PCNX4: variants seen among roughly 807,000 people sequenced by gnomAD.
The protein encoded by PCNX4 is pecanex 4, also known as pecanex-like protein 4.
A neutral mutation model predicts 107.2 loss-of-function variants in PCNX4; 103 were observed. The observed-to-expected ratio is 0.96, with a 90% confidence interval of 0.82 to 1.13. The LOEUF (loss-of-function observed/expected upper bound fraction) is 1.13, where lower values mean the gene tolerates loss of function less well. Among genes scored for constraint, PCNX4 ranks in the 50% most tolerant of loss-of-function variants. PCNX4 has a pLI of 0.00. For synonymous variants in PCNX4, 541 were observed against 481.7 expected, an observed-to-expected ratio of 1.12 and a Z score of -1.61; for missense variants, 1,528 against 1,379.4, an observed-to-expected ratio of 1.11 and a Z score of -1.71.
rs190039157 is a variant in PCNX4, at chr14:60,134,987, C to A, written c.*766C>A. On this transcript the variant is annotated 3_prime_UTR_variant, in exon 11 of 11. Transcript: ENST00000406854. The stretch of plus-strand genomic sequence containing the variant: ...CTGAAAAATGATTTACCCAACAGGA[C>A]TACCAGTTACTAGTGTCTTAAGGTA... 1 of 152,302 alleles carries A rather than the reference C, an allele frequency of 6.6e-6. No homozygotes were observed. Among genetic ancestry groups the A allele is most frequent in the East Asian group, 1.9e-4 (1 of 5,190 alleles). The allele number at this position is 152,302 out of a possible 1,614,324, so 9.4% of individuals were successfully genotyped here.
chr14:60,109,464 G>A (rs754395420), intron 2 of PCNX4: 2 of 166,968 alleles, frequency 1.2e-5, no homozygotes, highest in African/African-American at 4.8e-5. Context: ...GTTTGAGATG[G>A]AGTCTTCACT....
rs943721299 is a variant in PCNX4 at position 60,091,923 on chromosome 14, G to A, written c.-550G>A. On this transcript the variant is annotated 5_prime_UTR_variant, in exon 1 of 11. Transcript: ENST00000406854. The stretch of plus-strand genomic sequence containing the variant: ...ACGTCACCAGGGCAACGACGCTCTT[G>A]CGTAAAGGCCCGGCCCAAGGGAACG... 1.3e-5 allele frequency: 2 copies of A among 152,332 alleles called. No individual in the cohort carries two copies. The highest frequency in any genetic ancestry group is 4.8e-5 in the African/African-American group (2 of 41,472). The allele number at this position is 152,332 out of a possible 1,614,324, so 9.4% of individuals were successfully genotyped here.
intron 7 of PCNX4, among the ~76,000 whole-genome samples, chr14:60,119,628 T>C (rs915128011): frequency 2.6e-5 from 4 of 152,208 alleles, no homozygotes; most frequent in Non-Finnish European, 1.5e-5. Context: ...AATACTTTTA[T>C]CCAGTGTTAA....
At position 60,107,654 on chromosome 14, in the gene PCNX4, C is replaced by G. The variant is rs1457785015; in HGVS notation, c.16C>G (p.Pro6Ala). Residue 6 changes from proline (P) to alanine (A), a missense_variant, in exon 2 of 11, where the codon CCT (proline) becomes GCT (alanine). Transcript: ENST00000406854. ...CCGAGTGAGGATGAGTCCAGATGTG[C>G]CTCTACTGAATGATTACAAGCAGGA... The part of the protein sequence containing the change: MSPDV[P>A]LLNDYKQDFF... The G allele has an allele frequency of 6.2e-7, 1 of 1,612,168 alleles. No individual in the cohort carries two copies. Among genetic ancestry groups the G allele is most frequent in the Non-Finnish European group, 8.5e-7 (1 of 1,179,528 alleles).
At chr14:60,100,553 C>T (rs1250097709) in intron 1 of PCNX4, among the ~76,000 whole-genome samples, 1 of 152,212 alleles carries the variant, frequency 6.6e-6, no homozygotes, top group Non-Finnish European at 1.5e-5. Flanking sequence ...CCCACCTCAG[C>T]CTCTCAAAGT....
rs770000283 is a variant in PCNX4 at position 60,108,008 on chromosome 14, G to A, written c.370G>A (p.Ala124Thr). 6.2e-7 allele frequency: 1 copy of A among 1,612,742 alleles called. No homozygotes were observed. Among genetic ancestry groups the A allele is most frequent in the East Asian group, 2.2e-5 (1 of 44,876 alleles). Residue 124 changes from alanine to threonine, a missense_variant, in exon 2 of 11, where the codon GCT becomes ACT. Coordinates refer to ENST00000406854, the MANE Select transcript of PCNX4 (RefSeq NM_001330177.2). ...DEHEFTSCTG[A>T]ETVKFLIPGK... ...GCATGAATTTACCAGTTGTACTGGT[G>A]CTGAGACTGTCAAATTTCTCATTCC...
At position 60,139,750 on chromosome 14, in the gene PCNX4, CAA is replaced by C. The variant is rs1896285822; in HGVS notation, c.*5530_*5531del. ...GGCCATGTATCATTCACTTAGAAAT[CAA>C]TAATAATTTCAAAAATAGAAAAATT... On this transcript the variant is annotated 3_prime_UTR_variant, in exon 11 of 11. Coordinates refer to ENST00000406854, the MANE Select transcript of PCNX4 (RefSeq NM_001330177.2). 6.6e-6 allele frequency: 1 copy of C among 151,708 alleles called. No individual in the cohort carries two copies. The highest frequency in any genetic ancestry group is 1.5e-5 in the Non-Finnish European group (1 of 67,894). 9.4% of individuals were successfully genotyped at this position (151,708 alleles called of 1,614,324 possible).
chr14:60,131,798 AC>A (rs1177322119), intron 10 of PCNX4, among the ~76,000 whole-genome samples: 1 of 152,238 alleles, frequency 6.6e-6, no homozygotes, highest in Non-Finnish European at 1.5e-5. Flanking sequence ...TTCAAAACTT[AC>A]GTGAAACAAT....
At chr14:60,095,464 T>G (rs1342773248) in intron 1 of PCNX4, among the ~76,000 whole-genome samples, 1 of 151,728 alleles carries the variant, frequency 6.6e-6, no homozygotes, top group African/African-American at 2.4e-5. Context: ...ATAGGGGAGG[T>G]GTGTAGCTTT....
At chr14:60,131,743 A>G (rs917129404) in intron 10 of PCNX4, among the ~76,000 whole-genome samples, 2 of 152,252 alleles carry the variant, frequency 1.3e-5, no homozygotes, top group African/African-American at 4.8e-5. Context: ...CTGAATAGCC[A>G]GAACAATCTT....
chr14:60,145,502 C>T lies in PCNX4; in HGVS notation c.*11281C>T, dbSNP rs1896375953. ...GTTAGAGACCAGCCTGGCAAAACCC[C>T]ATCTCTACTAAAAATACAAAAATTA... On this transcript the variant is annotated 3_prime_UTR_variant, in exon 11 of 11. Coordinates refer to ENST00000406854, the MANE Select transcript of PCNX4 (RefSeq NM_001330177.2). The surrounding 1 kb of genome is among the most constrained non-coding windows in gnomAD (Gnocchi z 4.0). 1 of 152,178 alleles carries T rather than the reference C, an allele frequency of 6.6e-6. No individual in the cohort carries two copies. Among genetic ancestry groups the T allele is most frequent in the Non-Finnish European group, 1.5e-5 (1 of 68,158 alleles). The allele number at this position is 152,178 out of a possible 1,614,324, so 9.4% of individuals were successfully genotyped here. A position where few individuals can be genotyped will look rare whatever the true frequency, so the allele number is the denominator to read the frequency against.
intron 1 of PCNX4, among the ~76,000 whole-genome samples, chr14:60,105,238 A>G (rs796706676): frequency 5.1e-4 from 77 of 152,292 alleles, no homozygotes; most frequent in African/African-American, 1.7e-3. Context: ...GCTAGACCAA[A>G]CTGCTCTGCA....
intron 8 of PCNX4, among the ~76,000 whole-genome samples, chr14:60,122,824 G>T (rs568634008): frequency 6.6e-6 from 1 of 152,172 alleles, no homozygotes; most frequent in South Asian, 2.1e-4. Flanking sequence ...ATAATGAATA[G>T]TAAGTGAATT....
intron 8 of PCNX4, 92 bp downstream of exon 8, chr14:60,121,391 A>G (rs1459059538): frequency 1.5e-6 from 2 of 1,330,070 alleles, no homozygotes; most frequent in Admixed American, 2.3e-5. Context: ...AATTTGAAAG[A>G]AGAATATCTT....
rs1249617671 is a variant in PCNX4, at chr14:60,144,749, T to C, written c.*10528T>C. ...GCTAAAGTATTTTAAAAGGTTATTTTATCCAAGAATATAGTATGAGTTAAT... is the reference window on the plus strand; with the variant it reads ...GCTAAAGTATTTTAAAAGGTTATTTCATCCAAGAATATAGTATGAGTTAAT... On this transcript the variant is annotated 3_prime_UTR_variant, in exon 11 of 11. Transcript: ENST00000406854. 15 of 496,150 alleles carry C rather than the reference T, an allele frequency of 3.0e-5. No homozygotes were observed. The Admixed American group carries it at 5.5e-4, about 18-fold the overall frequency. 30.7% of individuals were successfully genotyped at this position (496,150 alleles called of 1,614,324 possible). A position where few individuals can be genotyped will look rare whatever the true frequency, so the allele number is the denominator to read the frequency against.
rs555966871 is a variant in PCNX4 at position 60,143,284 on chromosome 14, C to T, written c.*9063C>T. On this transcript the variant is annotated 3_prime_UTR_variant, in exon 11 of 11. Transcript: ENST00000406854. Reference sequence around the variant, plus strand: ...GAACTATTATGCTTATAGTCTGTACCAGGCCACATGACATATGTTATTTTG... The same window carrying T: ...GAACTATTATGCTTATAGTCTGTACTAGGCCACATGACATATGTTATTTTG... 4 of 152,294 alleles carry T rather than the reference C, an allele frequency of 2.6e-5. No homozygotes were observed. The South Asian group carries it at 8.3e-4, about 32-fold the overall frequency. The allele number at this position is 152,294 out of a possible 1,614,324, so 9.4% of individuals were successfully genotyped here.
In PCNX4 at chr14:60,133,995, G is replaced by T; in HGVS notation, c.3293G>T (p.Ser1098Ile). 1 of 1,613,096 alleles carries T rather than the reference G, an allele frequency of 6.2e-7. No individual in the cohort carries two copies. Among genetic ancestry groups the T allele is most frequent in the Non-Finnish European group, 8.5e-7 (1 of 1,179,398 alleles). ...NMGIYTGRVL[S>I]LQELLIQVGK... The stretch of plus-strand genomic sequence containing the variant: ...GGAATTTACACTGGGAGAGTGCTTA[G>T]CCTTCAAGAATTATTGATCCAAGTG... The change falls in exon 11 of 11, where the codon AGC becomes ATC. Residue 1098 changes from serine to isoleucine, a missense_variant. Ser to Ile is a moderately radical substitution (Grantham distance 142). Coordinates refer to ENST00000406854, the MANE Select transcript of PCNX4 (RefSeq NM_001330177.2).
intron 10 of PCNX4, among the ~76,000 whole-genome samples, chr14:60,126,872 T>C (rs1364233168): frequency 1.3e-5 from 2 of 152,190 alleles, no homozygotes; most frequent in Non-Finnish European, 2.9e-5. Flanking sequence ...GGAGGTCTTA[T>C]GCTGGGAGAG....
chr14:60,121,181 T>TTTTTC lies in PCNX4; in HGVS notation c.1943-15_1943-14insTTTTC. ...ATTTTCTTTTTTTTTTTTTTTTTTT[T>TTTTTC]CTAATTTGTTGTAGGTCTCCTCCTA... On this transcript the variant is annotated splice_polypyrimidine_tract_variant and intron_variant, in intron 7 of 10. Transcript: ENST00000406854. 6 of 1,523,416 alleles carry TTTTTC rather than the reference T, an allele frequency of 3.9e-6. No homozygotes were observed. The highest frequency in any genetic ancestry group is 1.3e-5 in the South Asian group (1 of 79,412). The allele number at this position is 1,523,416 out of a possible 1,614,324, so 94.4% of individuals were successfully genotyped here. A position where few individuals can be genotyped will look rare whatever the true frequency, so the allele number is the denominator to read the frequency against.
Sources: gnomAD v4.1 joint callset for allele counts (sites outside exome capture counted in the v4.1 genomes callset) on GRCh38, gnomAD v4.1.1 for gene constraint, Gnocchi (gnomAD v3.1) non-coding constraint, MANE v1.5 for transcripts, NCBI Gene and HGNC (gene_info 2026-07-23, HGNC 2026-07-21) for gene names.